Variants in RMND1 observed in about 807,000 individuals in gnomAD.
The protein encoded by RMND1 is required for meiotic nuclear division 1 homolog.
Under a neutral mutation model 54.0 loss-of-function variants are expected in RMND1, and 41 were observed. The ratio of observed to expected loss-of-function variants is 0.76; its 90% CI spans 0.59 to 0.98. RMND1 has a LOEUF of 0.98. Ranked by LOEUF, RMND1 falls within the 50% of genes least tolerant of loss-of-function variation. The pLI is 0.00. For missense variants in RMND1, 457 were observed against 532.0 expected (o/e 0.86, Z 1.39); for synonymous variants, 183 against 181.7 (o/e 1.01, Z -0.06).
intron 6 of RMND1, among the ~76,000 whole-genome samples, chr6:151,425,099 C>T (rs1042869715): frequency 3.9e-5 from 6 of 152,160 alleles, no homozygotes; most frequent in East Asian, 1.9e-4. Flanking sequence ...TGCACCACCA[C>T]ATCCAGCTAA....
intron 3 of RMND1, 27 bp from the exon 4 acceptor site, chr6:151,433,257 A>C (rs759142981): frequency 1.3e-6 from 2 of 1,511,400 alleles, no homozygotes; most frequent in Non-Finnish European, 1.8e-6. Flanking sequence ...ACGAACAAAA[A>C]AGCTATGTCA....
rs756303727 is a variant in RMND1 at position 151,417,372 on chromosome 6, G to A, written c.1107C>T (p.Phe369=). 6.2e-7 allele frequency: 1 copy of A among 1,610,606 alleles called. No individual in the cohort carries two copies. The highest frequency in any genetic ancestry group is 1.1e-5 in the South Asian group (1 of 90,254). ...LRHRINLSSD[F]LITPDFYWDR... is the part of the protein sequence containing the mutation. ...CCCAGTAGAAATCAGGAGTAATCAG[G>A]AAGTCTGAACTCAAGTTTATACGGT... Residue 369 remains phenylalanine, a synonymous_variant, in exon 10 of 12, where the codon TTC becomes TTT. Transcript: ENST00000444024.
chr6:151,425,028 C>T (rs972717840), intron 6 of RMND1, among the ~76,000 whole-genome samples: 11 of 152,070 alleles, frequency 7.2e-5, no homozygotes, highest in East Asian at 1.9e-4. Context: ...CTGCAACCTC[C>T]GCCTCCTGGG....
chr6:151,427,116 C>T lies in RMND1; in HGVS notation c.830+366G>A, dbSNP rs557629718. Among the ~76,000 whole-genome samples the T allele has an allele frequency of 5.1e-3, 773 of 152,054 alleles. 5 individuals are homozygous for T. Among genetic ancestry groups the T allele is most frequent in the African/African-American group, 0.017 (714 of 41,528 alleles). ...TTTCCAGGCCAGGTCCAGTGGCTCA[C>T]GCCTGTAATCCCAGCACTTTGAGAG... On this transcript the variant is annotated intron_variant, in intron 6 of 11. Coordinates refer to ENST00000444024, the MANE Select transcript of RMND1 (RefSeq NM_017909.4).
chr6:151,449,843 G>A (rs999572454), intron 1 of RMND1, among the ~76,000 whole-genome samples: 3 of 152,256 alleles, frequency 2.0e-5, no homozygotes, highest in African/African-American at 7.2e-5. Context: ...TGGAGACGGG[G>A]TTTCGCTGTG....
In RMND1 at chr6:151,445,436, G is replaced by A. The variant is rs777393511; in HGVS notation, c.376C>T (p.His126Tyr). The A allele has an allele frequency of 2.5e-6, 4 of 1,614,052 alleles. No homozygotes were observed. Among genetic ancestry groups the A allele is most frequent in the Non-Finnish European group, 3.4e-6 (4 of 1,180,014 alleles). ...GTTTCCGTTGATACAGATGAGAAAT[G>A]CCTCTTTAATATTTTTATAAACCAT... is the stretch of plus-strand genomic sequence containing the variant. ...SKWFIKILKR[H>Y]FSSVSTETFV... Residue 126 changes from histidine (H) to tyrosine (Y), a missense_variant, in exon 2 of 12, where the codon CAT becomes TAT. His to Tyr is a moderately conservative substitution (Grantham distance 83). Transcript: ENST00000444024.
chr6:151,409,702 G>C (rs919325891), intron 10 of RMND1, among the ~76,000 whole-genome samples: 2 of 152,182 alleles, frequency 1.3e-5, no homozygotes, highest in East Asian at 3.9e-4. Flanking sequence ...GTGAGATTGA[G>C]GGGCAACTGG....
At chr6:151,450,768 A>G (rs975012867) in intron 1 of RMND1, among the ~76,000 whole-genome samples, 3 of 151,998 alleles carry the variant, frequency 2.0e-5, no homozygotes, top group East Asian at 1.9e-4. Context: ...AAGGGGGGAA[A>G]GGGGGGGAAA....
chr6:151,427,949 G>A (rs1780348810), intron 5 of RMND1, among the ~76,000 whole-genome samples: 1 of 152,026 alleles, frequency 6.6e-6, no homozygotes, highest in East Asian at 1.9e-4. Flanking sequence ...AGACCAGCCT[G>A]GGCAACGTGG....
intron 9 of RMND1, chr6:151,420,918 G>C (rs1780132953): frequency 5.7e-6 from 1 of 175,130 alleles, no homozygotes; most frequent in Non-Finnish European, 1.2e-5. Flanking sequence ...ATGATGCAGT[G>C]ATATATTTTT....
At chr6:151,419,339 A>G (rs1225873491) in intron 9 of RMND1, among the ~76,000 whole-genome samples, 1 of 151,892 alleles carries the variant, frequency 6.6e-6, no homozygotes, top group African/African-American at 2.4e-5. Flanking sequence ...TGCTGGCATT[A>G]CAGGTGTGAG....
At chr6:151,438,941 C>T (rs910455629) in intron 2 of RMND1, among the ~76,000 whole-genome samples, 7 of 152,116 alleles carry the variant, frequency 4.6e-5, no homozygotes, top group Non-Finnish European at 1.0e-4. Context: ...TGGTGAAACC[C>T]TGGCTCTATT....
intron 10 of RMND1, chr6:151,409,046 G>A (rs935578546): frequency 1.8e-4 from 28 of 152,252 alleles, no homozygotes; most frequent in Admixed American, 5.2e-4. Context: ...ACTGTACTAC[G>A]CTGGGCAGAG....
chr6:151,433,681 C>A (rs1032847652), intron 3 of RMND1, among the ~76,000 whole-genome samples: 3 of 152,106 alleles, frequency 2.0e-5, no homozygotes, highest in African/African-American at 7.2e-5. Flanking sequence ...AACTACTACT[C>A]CTGCTGAATT....
intron 1 of RMND1, among the ~76,000 whole-genome samples, chr6:151,451,151 T>C (rs967717549): frequency 6.9e-6 from 1 of 145,158 alleles, no homozygotes; most frequent in African/African-American, 2.6e-5. Flanking sequence ...TATTGTCCTA[T>C]GACCCTGCCA....
intron 10 of RMND1, among the ~76,000 whole-genome samples, chr6:151,414,400 G>C (rs1205583375): frequency 6.6e-6 from 1 of 152,130 alleles, no homozygotes; most frequent in Non-Finnish European, 1.5e-5. Context: ...GAACACTTGA[G>C]GCAATGAGGG....
At chr6:151,410,499 A>G (rs1779797315) in intron 10 of RMND1, among the ~76,000 whole-genome samples, 1 of 152,188 alleles carries the variant, frequency 6.6e-6, no homozygotes, top group African/African-American at 2.4e-5. Flanking sequence ...TAACCTTGAC[A>G]TAATCCAACG....
intron 4 of RMND1, among the ~76,000 whole-genome samples, chr6:151,432,378 AAAGG>A (rs1343154993): frequency 6.6e-6 from 1 of 152,204 alleles, no homozygotes; most frequent in African/African-American, 2.4e-5. Context: ...GATGGGGTCA[AAAGG>A]AAGGTAGGCA....
chr6:151,409,045 C>G (rs796217423), intron 10 of RMND1: 1 of 152,228 alleles, frequency 6.6e-6, no homozygotes, highest in African/African-American at 2.4e-5. Flanking sequence ...TACTGTACTA[C>G]GCTGGGCAGA....
Sources: gnomAD v4.1 joint callset for allele counts (sites outside exome capture counted in the v4.1 genomes callset) on GRCh38, gnomAD v4.1.1 for gene constraint, MANE v1.5 for transcripts, NCBI Gene and HGNC (gene_info 2026-07-23, HGNC 2026-07-21) for gene names.